ARHGAP10: variants seen among roughly 807,000 people sequenced by gnomAD.
The protein encoded by ARHGAP10 is rho GTPase-activating protein 10.
Under a neutral mutation model 108.6 loss-of-function variants are expected in ARHGAP10, and 87 were observed. The observed-to-expected ratio is 0.80, with a 90% confidence interval of 0.67 to 0.96. The LOEUF is 0.96. Among genes scored for constraint, ARHGAP10 ranks in the 40% least tolerant of loss-of-function variants. The probability of loss-of-function intolerance (pLI) is 0.00; values close to 1 mark genes in which losing one functional copy is unlikely to be tolerated. For missense variants in ARHGAP10, 939 were observed against 954.5 expected, an observed-to-expected ratio of 0.98 and a Z score of 0.21; for synonymous variants, 347 against 341.1, an observed-to-expected ratio of 1.02 and a Z score of -0.19.
chr4:147,935,624 A>G (rs1343747024), intron 13 of ARHGAP10, among the ~76,000 whole-genome samples: 1 of 152,212 alleles, frequency 6.6e-6, no homozygotes, highest in African/African-American at 2.4e-5. Context: ...ACTCACTAAT[A>G]TGCCTTGGCA....
rs574161423 is a variant in ARHGAP10, at chr4:147,754,278, G to A, written c.154+21823G>A. On this transcript the variant is annotated intron_variant, in intron 1 of 22. Coordinates refer to ENST00000336498, the MANE Select transcript of ARHGAP10 (RefSeq NM_024605.4). The stretch of plus-strand genomic sequence containing the variant: ...CAGGTGTCATTTACATAAGGCATAC[G>A]ATGCCTTTTGTAAGTAACTCCATAC... Among the ~76,000 whole-genome samples, 43 of 152,304 alleles carry A rather than the reference G, an allele frequency of 2.8e-4. 1 individual carries two copies. The South Asian group carries it at 8.7e-3, about 31-fold the overall frequency.
At chr4:148,055,285 G>C (rs572636487) in intron 20 of ARHGAP10, among the ~76,000 whole-genome samples, 3 of 152,198 alleles carry the variant, frequency 2.0e-5, no homozygotes, top group Non-Finnish European at 2.9e-5. Flanking sequence ...CCTCAGGATC[G>C]CACAGGCTGA....
intron 1 of ARHGAP10, among the ~76,000 whole-genome samples, chr4:147,807,495 G>A (rs1172986931): frequency 2.6e-5 from 4 of 151,920 alleles, no homozygotes. Flanking sequence ...TTCTGAAATG[G>A]TCAGGAACGT....
At position 147,866,810 on chromosome 4, in the gene ARHGAP10, T is replaced by G. The variant is rs752372593; in HGVS notation, c.696T>G (p.Ile232Met). 5 of 1,604,054 alleles carry G rather than the reference T, an allele frequency of 3.1e-6. No individual in the cohort carries two copies. Among genetic ancestry groups the G allele is most frequent in the Non-Finnish European group, 4.3e-6 (5 of 1,171,324 alleles). ...ACAAAATGGAACTACAGATCAACATTCAGAATGTAAGGAAGTGAAAGCTTT... is the reference window on the plus strand; with the variant it reads ...ACAAAATGGAACTACAGATCAACATGCAGAATGTAAGGAAGTGAAAGCTTT... ...NHYKMELQIN[I>M]QNTRNRFEGT... Residue 232 changes from isoleucine (I) to methionine (M), a missense_variant, in exon 7 of 23, where the codon ATT (isoleucine) becomes ATG (methionine). Transcript: ENST00000336498.
At chr4:147,896,718 A>G (rs534317685) in intron 10 of ARHGAP10, among the ~76,000 whole-genome samples, 5 of 152,064 alleles carry the variant, frequency 3.3e-5, no homozygotes, top group Admixed American at 2.6e-4. Flanking sequence ...CAGATCATTA[A>G]TTTTACACCT....
intron 18 of ARHGAP10, among the ~76,000 whole-genome samples, chr4:148,018,001 C>T (rs10021322): frequency 6.6e-5 from 10 of 152,150 alleles, no homozygotes; most frequent in African/African-American, 1.4e-4. Flanking sequence ...CTCTGAACAG[C>T]GGTGCCAGAC....
At chr4:147,951,931 G>A (rs191308172) in intron 15 of ARHGAP10, among the ~76,000 whole-genome samples, 29 of 152,246 alleles carry the variant, frequency 1.9e-4, no homozygotes, top group Non-Finnish European at 3.5e-4. Flanking sequence ...CCTACCATTT[G>A]AAATCTCTCT....
chr4:148,024,299 T>C (rs1050841113), intron 19 of ARHGAP10, among the ~76,000 whole-genome samples: 5 of 152,144 alleles, frequency 3.3e-5, no homozygotes, highest in African/African-American at 1.2e-4. Flanking sequence ...GTCCTCTTTT[T>C]CAAAAAAGAG....
intron 12 of ARHGAP10, 132 bp downstream of exon 12, chr4:147,909,909 A>C: frequency 1.2e-6 from 1 of 843,356 alleles, no homozygotes; most frequent in Admixed American, 2.6e-5. Context: ...ATTACACGTA[A>C]TAATCCTCTA....
At chr4:147,970,926 TAAAAG>T (rs1392083679) in intron 18 of ARHGAP10, among the ~76,000 whole-genome samples, 1 of 151,704 alleles carries the variant, frequency 6.6e-6, no homozygotes, top group East Asian at 1.9e-4. Context: ...CATCTCTACT[TAAAAG>T]AAAGTACAAG....
At chr4:147,885,585 T>C (rs1735514550) in intron 10 of ARHGAP10, among the ~76,000 whole-genome samples, 1 of 152,204 alleles carries the variant, frequency 6.6e-6, no homozygotes, top group Non-Finnish European at 1.5e-5. Flanking sequence ...TGGGTCATTA[T>C]GAAGAGAAAC....
intron 15 of ARHGAP10, among the ~76,000 whole-genome samples, chr4:147,955,037 G>A (rs1037576825): frequency 2.6e-5 from 4 of 151,996 alleles, no homozygotes; most frequent in Non-Finnish European, 5.9e-5. Context: ...TATAAAACCA[G>A]ATGTTCACAA....
At chr4:148,059,287 G>C (rs551388539) in intron 20 of ARHGAP10, among the ~76,000 whole-genome samples, 1 of 152,178 alleles carries the variant, frequency 6.6e-6, no homozygotes, top group Admixed American at 6.5e-5. Context: ...TTTAGGAACA[G>C]TTGACTTCTT....
chr4:147,765,394 A>G (rs1375192664), intron 1 of ARHGAP10, among the ~76,000 whole-genome samples: 1 of 149,578 alleles, frequency 6.7e-6, no homozygotes, highest in East Asian at 2.0e-4. Context: ...TTCATTCCTG[A>G]CAGACTGCAA....
At chr4:147,933,445 T>C (rs186009935) in intron 13 of ARHGAP10, among the ~76,000 whole-genome samples, 1 of 152,306 alleles carries the variant, frequency 6.6e-6, no homozygotes, top group East Asian at 1.9e-4. Flanking sequence ...GGATTAGCTG[T>C]TTATTTTCAT....
intron 3 of ARHGAP10, among the ~76,000 whole-genome samples, chr4:147,837,643 G>GTTTTTTTTTTTTT (rs59933316): frequency 2.4e-4 from 17 of 70,232 alleles, no homozygotes; most frequent in East Asian, 5.5e-4. Context: ...TCTGGTCACT[G>GTTTTTTTTTTTTT]TTTTTTTTTT....
intron 10 of ARHGAP10, among the ~76,000 whole-genome samples, chr4:147,889,508 C>G (rs1735703893): frequency 1.3e-5 from 2 of 152,156 alleles, no homozygotes; most frequent in Admixed American, 1.3e-4. Context: ...CCATATTGGC[C>G]AGGCTGGTCT....
intron 20 of ARHGAP10, among the ~76,000 whole-genome samples, chr4:148,062,516 T>C (rs1729666186): frequency 6.6e-6 from 1 of 152,208 alleles, no homozygotes; most frequent in Non-Finnish European, 1.5e-5. Flanking sequence ...CATCAATTAT[T>C]TGAACTCTCC....
chr4:147,827,619 G>A (rs544220108), intron 3 of ARHGAP10, among the ~76,000 whole-genome samples: 1 of 152,126 alleles, frequency 6.6e-6, no homozygotes, highest in East Asian at 1.9e-4. Context: ...CAGCTAAAAT[G>A]GTTGCCAGTA....
Sources: gnomAD v4.1 joint callset for allele counts (sites outside exome capture counted in the v4.1 genomes callset) on GRCh38, gnomAD v4.1.1 for gene constraint, MANE v1.5 for transcripts, NCBI Gene and HGNC (gene_info 2026-07-23, HGNC 2026-07-21) for gene names.